DCDC2C: variants seen among roughly 807,000 people sequenced by gnomAD.
The protein encoded by DCDC2C is doublecortin domain containing 2C.
In DCDC2C, 44 loss-of-function variants were observed where a neutral mutation model predicts 45.0. The ratio of observed to expected loss-of-function variants is 0.98; its 90% CI spans 0.77 to 1.26. The LOEUF (loss-of-function observed/expected upper bound fraction) is 1.26. DCDC2C is among the 50% of genes most tolerant of loss of function. The pLI, the probability that DCDC2C is intolerant of heterozygous loss-of-function variation, is 0.00. For missense variants in DCDC2C, 447 were observed against 468.9 expected (o/e 0.95, Z 0.43); for synonymous variants, 187 against 178.8 (o/e 1.05, Z -0.37).
intron 10 of DCDC2C, among the ~76,000 whole-genome samples, chr2:3,841,625 A>C (rs1052556103): frequency 1.3e-5 from 2 of 152,256 alleles, no homozygotes; most frequent in African/African-American, 4.8e-5. Context: ...TCAGAAACAA[A>C]GATGAGTAAA....
intron 10 of DCDC2C, among the ~76,000 whole-genome samples, chr2:3,810,111 T>C (rs1294439771): frequency 3.3e-5 from 5 of 152,264 alleles, no homozygotes; most frequent in Non-Finnish European, 7.3e-5. Context: ...GTATACCCAA[T>C]AATGGGATTG....
chr2:3,843,641 G>A (rs899340442), intron 10 of DCDC2C, among the ~76,000 whole-genome samples: 5 of 152,226 alleles, frequency 3.3e-5, no homozygotes, highest in African/African-American at 1.2e-4. Flanking sequence ...TGGTTCTAAT[G>A]TGTTGGGGTC....
chr2:3,710,014 T>C (rs1157662488), intron 2 of DCDC2C, among the ~76,000 whole-genome samples: 1 of 152,204 alleles, frequency 6.6e-6, no homozygotes, highest in East Asian at 1.9e-4. Context: ...TATGAGGCTA[T>C]AGTTACCCAA....
At chr2:3,756,892 C>T (rs1032505852) in intron 6 of DCDC2C, among the ~76,000 whole-genome samples, 10 of 152,058 alleles carry the variant, frequency 6.6e-5, no homozygotes, top group East Asian at 1.9e-4. Flanking sequence ...GTTGAATGAT[C>T]GCCTTATTTA....
At chr2:3,774,911 A>G (rs918418212) in intron 8 of DCDC2C, among the ~76,000 whole-genome samples, 5 of 152,074 alleles carry the variant, frequency 3.3e-5, no homozygotes, top group Non-Finnish European at 7.4e-5. Context: ...AATTACAGGC[A>G]TGCACCACCA....
At chr2:3,741,592 C>T (rs571007900) in intron 3 of DCDC2C, among the ~76,000 whole-genome samples, 3 of 152,102 alleles carry the variant, frequency 2.0e-5, no homozygotes, top group African/African-American at 7.2e-5. Flanking sequence ...GACAAGAGAA[C>T]TTTTCCTGTT....
chr2:3,726,432 G>C (rs1019625646), intron 2 of DCDC2C, among the ~76,000 whole-genome samples: 2 of 152,134 alleles, frequency 1.3e-5, no homozygotes, highest in African/African-American at 2.4e-5. Flanking sequence ...TTCCCCCTTT[G>C]TGTCTTATCT....
intron 3 of DCDC2C, among the ~76,000 whole-genome samples, chr2:3,740,795 G>A (rs1406591618): frequency 6.6e-6 from 1 of 151,748 alleles, no homozygotes; most frequent in Non-Finnish European, 1.5e-5. Context: ...CTCTCTTTAT[G>A]GTGACAAACA....
chr2:3,805,857 T>A (rs939966046), intron 10 of DCDC2C, among the ~76,000 whole-genome samples: 1 of 152,208 alleles, frequency 6.6e-6, no homozygotes, highest in Admixed American at 6.5e-5. Flanking sequence ...CTGATGTCCC[T>A]GTGATTAATC....
chr2:3,805,459 A>G (rs559751462), intron 10 of DCDC2C, among the ~76,000 whole-genome samples: 76 of 152,226 alleles, frequency 5.0e-4, no homozygotes, highest in African/African-American at 6.5e-4. Context: ...TGGAGAATCT[A>G]TTTCTTCAGT....
rs566809589 is a variant in DCDC2C at position 3,746,010 on chromosome 2, ATACT to A, written c.545+3965_545+3968del. Among the ~76,000 whole-genome samples, 930 of 152,304 alleles carry A rather than the reference ATACT, an allele frequency of 6.1e-3. 9 individuals carry two copies. Among genetic ancestry groups the A allele is most frequent in the African/African-American group, 0.021 (887 of 41,556 alleles). ...TAATGTATCCAAATAGCTCAGAGAA[ATACT>A]TAAGTGAAATTCTGTAGGTCTCTGT... On this transcript the variant is annotated intron_variant, in intron 4 of 10. Coordinates refer to ENST00000399143, the MANE Select transcript of DCDC2C (RefSeq NM_001287444.2).
chr2:3,765,918 G>A (rs991926810), intron 6 of DCDC2C, among the ~76,000 whole-genome samples: 5 of 152,150 alleles, frequency 3.3e-5, no homozygotes, highest in African/African-American at 4.8e-5. Flanking sequence ...GTGCACCTGC[G>A]CTGCTCCCGA....
At chr2:3,733,265 T>C (rs1668924565) in intron 3 of DCDC2C, among the ~76,000 whole-genome samples, 1 of 152,238 alleles carries the variant, frequency 6.6e-6, no homozygotes, top group Non-Finnish European at 1.5e-5. Context: ...CCCAAGGGTA[T>C]GTTTCTGGCA....
intron 1 of DCDC2C, 176 bp downstream of exon 1, chr2:3,704,214 T>G: frequency 1.9e-6 from 1 of 539,762 alleles, no homozygotes; most frequent in Non-Finnish European, 2.8e-6. Flanking sequence ...GCCACGTGGT[T>G]TCCTGGGGGC....
intron 10 of DCDC2C, among the ~76,000 whole-genome samples, chr2:3,837,853 C>T (rs1672119144): frequency 6.6e-6 from 1 of 152,060 alleles, no homozygotes; most frequent in Non-Finnish European, 1.5e-5. Context: ...GACAGCCCCT[C>T]CAGAGTAGCA....
intron 10 of DCDC2C, among the ~76,000 whole-genome samples, chr2:3,794,353 ATTATT>A (rs1397905561): frequency 6.6e-6 from 1 of 152,064 alleles, no homozygotes; most frequent in Non-Finnish European, 1.5e-5. Flanking sequence ...GTTTTTTATT[ATTATT>A]TTTAAATTTA....
chr2:3,800,077 G>A (rs1053540678), intron 10 of DCDC2C, among the ~76,000 whole-genome samples: 6 of 152,222 alleles, frequency 3.9e-5, no homozygotes, highest in Non-Finnish European at 7.3e-5. Context: ...GTGGTGCGCC[G>A]TTTTTTAAGC....
intron 10 of DCDC2C, among the ~76,000 whole-genome samples, chr2:3,803,332 C>T (rs1263299687): frequency 3.3e-5 from 5 of 152,148 alleles, no homozygotes; most frequent in African/African-American, 1.2e-4. Context: ...CTCAGTGTGA[C>T]ACGCCCTTGT....
chr2:3,730,597 C>T (rs930041738), intron 3 of DCDC2C, among the ~76,000 whole-genome samples: 5 of 152,200 alleles, frequency 3.3e-5, no homozygotes, highest in Non-Finnish European at 7.3e-5. Flanking sequence ...CGAGCTTCCA[C>T]AGCCCTTCCT....
Sources: gnomAD v4.1 joint callset for allele counts (sites outside exome capture counted in the v4.1 genomes callset) on GRCh38, gnomAD v4.1.1 for gene constraint, MANE v1.5 for transcripts, NCBI Gene and HGNC (gene_info 2026-07-23, HGNC 2026-07-21) for gene names.